The following LRP1B variants were observed in gnomAD, a reference collection of about 807,000 sequenced individuals.
The protein encoded by LRP1B is LDL receptor related protein 1B.
Under a neutral mutation model 556.6 loss-of-function variants are expected in LRP1B, and 217 were observed. The observed-to-expected ratio is 0.39, with a 90% CI of 0.35 to 0.44. The LOEUF (loss-of-function observed/expected upper bound fraction) is 0.44, where lower values mean the gene tolerates loss of function less well. Ranked by LOEUF, LRP1B falls within the 20% of genes least tolerant of loss-of-function variation. LRP1B has a pLI of 1.00. For missense variants in LRP1B, 5,053 were observed against 5,620.8 expected, an observed-to-expected ratio of 0.90 and a Z score of 3.23; for synonymous variants, 2,047 against 1,865.8, an observed-to-expected ratio of 1.10 and a Z score of -2.50.
intron 1 of LRP1B, among the ~76,000 whole-genome samples, chr2:141,929,213 G>C (rs1303799064): frequency 6.6e-6 from 1 of 152,010 alleles, no homozygotes; most frequent in Non-Finnish European, 1.5e-5. Flanking sequence ...TAAATTAGGA[G>C]ACCACTTCCA....
At chr2:140,599,871 T>C (rs1482813503) in intron 42 of LRP1B, among the ~76,000 whole-genome samples, 1 of 152,144 alleles carries the variant, frequency 6.6e-6, no homozygotes, top group Non-Finnish European at 1.5e-5. Context: ...CTGAGCCAAA[T>C]TTTAAACTTA....
At chr2:141,140,893 T>C (rs1405762674) in intron 7 of LRP1B, among the ~76,000 whole-genome samples, 1 of 152,046 alleles carries the variant, frequency 6.6e-6, no homozygotes, top group African/African-American at 2.4e-5. Flanking sequence ...TAAGCACTTA[T>C]ATAAATTTAA....
intron 59 of LRP1B, among the ~76,000 whole-genome samples, chr2:140,477,488 T>C (rs1265537758): frequency 6.6e-6 from 1 of 152,160 alleles, no homozygotes; most frequent in Non-Finnish European, 1.5e-5. Flanking sequence ...CTACATGTAA[T>C]TGTACTTGCA....
At position 141,913,144 on chromosome 2, in the gene LRP1B, T is replaced by C. The variant is rs1405716560; in HGVS notation, c.83-102743A>G. On this transcript the variant is annotated intron_variant, in intron 1 of 90. Coordinates refer to ENST00000389484, the MANE Select transcript of LRP1B (RefSeq NM_018557.3). ...CACGTTCTGAAGATGGTGGTGATGGTTGCACAACAGTAGGAATATGTTTAA... is the reference window on the plus strand; with the variant it reads ...CACGTTCTGAAGATGGTGGTGATGGCTGCACAACAGTAGGAATATGTTTAA... Among the ~76,000 whole-genome samples, 4 of 152,144 alleles carry C rather than the reference T, an allele frequency of 2.6e-5. No homozygotes were observed. In the East Asian group the frequency reaches 5.8e-4, roughly 22 times the overall value.
intron 86 of LRP1B, among the ~76,000 whole-genome samples, chr2:140,268,133 C>T (rs1016722560): frequency 1.3e-5 from 2 of 151,832 alleles, no homozygotes; most frequent in Non-Finnish European, 2.9e-5. Context: ...TCAGGAGAAG[C>T]CTTACTGGTG....
At chr2:140,344,529 A>G (rs1384391077) in intron 77 of LRP1B, among the ~76,000 whole-genome samples, 1 of 151,838 alleles carries the variant, frequency 6.6e-6, no homozygotes, top group African/African-American at 2.4e-5. Context: ...TGCCTGATTT[A>G]TGAGTTATGA....
intron 43 of LRP1B, among the ~76,000 whole-genome samples, chr2:140,587,444 G>A (rs1341042580): frequency 1.3e-5 from 2 of 152,140 alleles, no homozygotes; most frequent in African/African-American, 2.4e-5. Flanking sequence ...GGTGAACTTG[G>A]AGTACATTAT....
chr2:140,701,606 TA>T, intron 40 of LRP1B, 114 bp downstream of exon 40: 1 of 962,652 alleles, frequency 1.0e-6, no homozygotes. Context: ...GATGTAAAGA[TA>T]ATGTTTTGAG....
rs113364457 is a variant in LRP1B at position 142,057,356 on chromosome 2, G to T, written c.82+73292C>A. On this transcript the variant is annotated intron_variant, in intron 1 of 90. Transcript: ENST00000389484. ...CATGAAATCAGCAGAGTGTATCTCA[G>T]TGACCTAAAAAATCCAAGTTCTATG... Among the ~76,000 whole-genome samples, 8 of 152,240 alleles carry T rather than the reference G, an allele frequency of 5.3e-5. 1 individual carries two copies. The highest frequency in any genetic ancestry group is 1.9e-4 in the African/African-American group (8 of 41,566).
At chr2:141,896,557 C>T (rs548162230) in intron 1 of LRP1B, among the ~76,000 whole-genome samples, 51 of 152,142 alleles carry the variant, frequency 3.4e-4, no homozygotes, top group African/African-American at 1.2e-3. Flanking sequence ...TTTTGAAATT[C>T]TTTTCCTTCA....
intron 3 of LRP1B, among the ~76,000 whole-genome samples, chr2:141,319,765 C>G (rs568638867): frequency 6.6e-6 from 1 of 151,952 alleles, no homozygotes; most frequent in East Asian, 1.9e-4. Context: ...GTGCTTTTCT[C>G]GTTTCAATTT....
intron 2 of LRP1B, among the ~76,000 whole-genome samples, chr2:141,493,017 G>A (rs1201913264): frequency 6.6e-6 from 1 of 152,078 alleles, no homozygotes; most frequent in African/African-American, 2.4e-5. Context: ...TGTTTATTGA[G>A]TACTTCCTAT....
At chr2:141,576,317 CTAACACATAAG>C (rs1686741027) in intron 2 of LRP1B, among the ~76,000 whole-genome samples, 1 of 152,182 alleles carries the variant, frequency 6.6e-6, no homozygotes, top group South Asian at 2.1e-4. Flanking sequence ...ACTCAGCAAA[CTAACACATAAG>C]TAACACATAA....
At chr2:141,415,614 T>G (rs1317777186) in intron 3 of LRP1B, among the ~76,000 whole-genome samples, 1 of 152,222 alleles carries the variant, frequency 6.6e-6, no homozygotes, top group African/African-American at 2.4e-5. Context: ...TTACTCCACT[T>G]GCTTAGAGAA....
At chr2:141,425,096 A>G (rs1680305271) in intron 3 of LRP1B, among the ~76,000 whole-genome samples, 2 of 148,552 alleles carry the variant, frequency 1.3e-5, no homozygotes. Flanking sequence ...CAGGCCACAG[A>G]GTGTGATGTT....
chr2:141,818,906 C>T (rs190864914), intron 1 of LRP1B, among the ~76,000 whole-genome samples: 1 of 151,702 alleles, frequency 6.6e-6, no homozygotes, highest in Admixed American at 6.6e-5. Context: ...CATTTCTAAT[C>T]AATCATTCAC....
At chr2:141,050,082 A>C (rs1301770974) in intron 10 of LRP1B, among the ~76,000 whole-genome samples, 3 of 151,924 alleles carry the variant, frequency 2.0e-5, no homozygotes, top group African/African-American at 7.2e-5. Context: ...ACAAGGAAAA[A>C]CATACTGAGC....
At chr2:140,414,635 C>T (rs538809230) in intron 66 of LRP1B, among the ~76,000 whole-genome samples, 1 of 152,180 alleles carries the variant, frequency 6.6e-6, no homozygotes, top group South Asian at 2.1e-4. Flanking sequence ...TATCAGTTCC[C>T]AAATAATAGT....
intron 41 of LRP1B, among the ~76,000 whole-genome samples, chr2:140,608,450 C>G (rs1012272978): frequency 6.6e-6 from 1 of 152,142 alleles, no homozygotes; most frequent in African/African-American, 2.4e-5. Context: ...AGGTTCTCAC[C>G]CCTCTAACAA....
Sources: gnomAD v4.1 joint callset for allele counts (sites outside exome capture counted in the v4.1 genomes callset) on GRCh38, gnomAD v4.1.1 for gene constraint, MANE v1.5 for transcripts, NCBI Gene and HGNC (gene_info 2026-07-23, HGNC 2026-07-21) for gene names.